Variants in PIK3R5 observed in about 807,000 individuals in gnomAD.
PIK3R5 encodes phosphoinositide-3-kinase regulatory subunit 5.
A neutral mutation model predicts 94.9 loss-of-function variants in PIK3R5; 32 were observed. The observed-to-expected ratio is 0.34, with a 90% CI of 0.25 to 0.45. The LOEUF (loss-of-function observed/expected upper bound fraction) is 0.45, where lower values mean the gene tolerates loss of function less well. PIK3R5 is among the 20% of genes least tolerant of loss of function. PIK3R5 has a pLI of 1.00. For missense variants in PIK3R5, 853 were observed against 1,144.6 expected, an observed-to-expected ratio of 0.75 and a Z score of 3.68; for synonymous variants, 443 against 479.4, an observed-to-expected ratio of 0.92 and a Z score of 0.99.
intron 1 of PIK3R5, among the ~76,000 whole-genome samples, chr17:8,928,130 T>C (rs1406638518): frequency 1.3e-5 from 2 of 152,280 alleles, no homozygotes; most frequent in Admixed American, 6.5e-5. Context: ...AATAGGTAGC[T>C]GGAACTCCCA....
At chr17:8,953,814 C>G (rs2091420824) in intron 1 of PIK3R5, among the ~76,000 whole-genome samples, 1 of 152,166 alleles carries the variant, frequency 6.6e-6, no homozygotes, top group Admixed American at 6.5e-5. Flanking sequence ...TGGACACAAG[C>G]TCGTGTTTCT....
intron 1 of PIK3R5, among the ~76,000 whole-genome samples, chr17:8,948,069 A>C (rs923098130): frequency 3.2e-4 from 47 of 148,250 alleles, no homozygotes; most frequent in Non-Finnish European, 5.2e-4. Flanking sequence ...AAAAAAAAGA[A>C]AAGAAAAGAA....
intron 1 of PIK3R5, among the ~76,000 whole-genome samples, chr17:8,928,509 A>G (rs1041179178): frequency 6.6e-6 from 1 of 152,246 alleles, no homozygotes; most frequent in Non-Finnish European, 1.5e-5. Context: ...AAGGATCAAG[A>G]GAGAAACAAC....
At position 8,892,541 on chromosome 17, in the gene PIK3R5, C is replaced by A. The variant is rs2090052208; in HGVS notation, c.482+1045G>T. ...GATTAAATGAGTCAGCACATGTAAC[C>A]ATGCTTAGGATGGTGCCTGGAGTCC... On this transcript the variant is annotated intron_variant, in intron 6 of 18. Transcript: ENST00000447110. The surrounding 1 kb of genome is among the most constrained non-coding windows in gnomAD (Gnocchi z 4.3). Among the ~76,000 whole-genome samples the A allele has an allele frequency of 6.6e-6, 1 of 152,102 alleles. No individual in the cohort carries two copies. Among genetic ancestry groups the A allele is most frequent in the African/African-American group, 2.4e-5 (1 of 41,398 alleles).
At chr17:8,923,122 C>T (rs900802085) in intron 1 of PIK3R5, among the ~76,000 whole-genome samples, 3 of 152,152 alleles carry the variant, frequency 2.0e-5, no homozygotes, top group African/African-American at 7.2e-5. Context: ...GCTTGAAGCA[C>T]ATGATCTCAT....
intron 14 of PIK3R5, among the ~76,000 whole-genome samples, 167 bp downstream of exon 14, chr17:8,886,062 A>AC (rs968919603): frequency 1.1e-4 from 8 of 71,574 alleles, no homozygotes; most frequent in African/African-American, 1.7e-4. Flanking sequence ...TCACCCAGCC[A>AC]CCCCATGGCC....
In PIK3R5 at chr17:8,946,709, C is replaced by T. The variant is rs568622767; in HGVS notation, c.-14+18887G>A. On this transcript the variant is annotated intron_variant, in intron 1 of 18. Transcript: ENST00000447110. ...TGTGCCCCGCCATGTTCTGAGGACT[C>T]GAATGACCACAGCAGCACAGCAGCC... Among the ~76,000 whole-genome samples the T allele has an allele frequency of 4.6e-5, 7 of 152,226 alleles. No individual in the cohort carries two copies. In the South Asian group the frequency reaches 6.2e-4, roughly 14 times the overall value.
chr17:8,901,970 G>A (rs1396209281), intron 5 of PIK3R5, among the ~76,000 whole-genome samples: 1 of 152,106 alleles, frequency 6.6e-6, no homozygotes, highest in Non-Finnish European at 1.5e-5. Flanking sequence ...GAATTGCTGG[G>A]TGAAAGGGTA....
chr17:8,890,112 TGC>T lies in PIK3R5; in HGVS notation c.670_671del (p.Ala224ArgfsTer3). On this transcript the variant is annotated frameshift_variant, in exon 8 of 19. Coordinates refer to ENST00000447110, the MANE Select transcript of PIK3R5 (RefSeq NM_001142633.3). LOFTEE classifies it high-confidence loss of function. The surrounding 1 kb of genome is among the most constrained non-coding windows in gnomAD (Gnocchi z 6.1). ...LHCRLQAKTL[A>X]ELEDIFTETA... is the part of the protein sequence containing the mutation. ...TCTCCGTGAAGATGTCCTCAAGCTC[TGC>T]CAGGGTCTTGGCCTGAAACCCCAGG... 1 of 1,613,996 alleles carries T rather than the reference TGC, an allele frequency of 6.2e-7. No individual in the cohort carries two copies. Among genetic ancestry groups the T allele is most frequent in the Non-Finnish European group, 8.5e-7 (1 of 1,179,974 alleles).
intron 4 of PIK3R5, 50 bp downstream of exon 4, chr17:8,905,619 C>T (rs1263549315): frequency 7.0e-7 from 1 of 1,419,820 alleles, no homozygotes. Flanking sequence ...ATAGAGGTCG[C>T]TCCTCCCCCT....
rs2090464396 is a variant in PIK3R5, at chr17:8,909,064, T to TC, written c.204+9dup. The TC allele has an allele frequency of 1.3e-6, 2 of 1,562,608 alleles. No homozygotes were observed. Among genetic ancestry groups the TC allele is most frequent in the South Asian group, 2.3e-5 (2 of 88,150 alleles). On this transcript the variant is annotated intron_variant, in intron 3 of 18. Transcript: ENST00000447110. This position sits in a 1 kb window ranked among gnomAD's most constrained non-coding sequence, Gnocchi z 4.3. ...CCAGATCTGCCCTTCAATTCCTGAC[T>TC]CCCCCTCACCTCTCGGGTCTTCTGC...
At chr17:8,962,940 G>A (rs993483920) in intron 1 of PIK3R5, among the ~76,000 whole-genome samples, 2 of 152,148 alleles carry the variant, frequency 1.3e-5, no homozygotes, top group African/African-American at 4.8e-5. Context: ...GACTTGTTAA[G>A]GATCACTCTA....
At position 8,909,024 on chromosome 17, in the gene PIK3R5, T is replaced by C; in HGVS notation, c.204+50A>G. On this transcript the variant is annotated intron_variant, in intron 3 of 18. Transcript: ENST00000447110. The surrounding 1 kb of genome is among the most constrained non-coding windows in gnomAD (Gnocchi z 4.3). Reference sequence around the variant, plus strand: ...TGTTCTCTGGGACCTATTTCTCCACTCTACGAGGCCGACCCCAGATCTGCC... The same window carrying C: ...TGTTCTCTGGGACCTATTTCTCCACCCTACGAGGCCGACCCCAGATCTGCC... The C allele has an allele frequency of 8.6e-7, 1 of 1,166,492 alleles. No homozygotes were observed. The highest frequency in any genetic ancestry group is 1.3e-6 in the Non-Finnish European group (1 of 792,700). The allele number at this position is 1,166,492 out of a possible 1,614,324, so 72.3% of individuals were successfully genotyped here. A position where few individuals can be genotyped will look rare whatever the true frequency, so the allele number is the denominator to read the frequency against.
chr17:8,889,051 G>A lies in PIK3R5; in HGVS notation c.895+88C>T, dbSNP rs976426503. ...CCTGCTCATGTGGGAGAGCTTTGGGGACGGGGTGGGAGCTGCATGGACCCA... is the reference window on the plus strand; with the variant it reads ...CCTGCTCATGTGGGAGAGCTTTGGGAACGGGGTGGGAGCTGCATGGACCCA... On this transcript the variant is annotated intron_variant, in intron 9 of 18. Coordinates refer to ENST00000447110, the MANE Select transcript of PIK3R5 (RefSeq NM_001142633.3). This position sits in a 1 kb window ranked among gnomAD's most constrained non-coding sequence, Gnocchi z 4.1. 2.0e-6 allele frequency: 3 copies of A among 1,516,340 alleles called. No homozygotes were observed. The Admixed American group carries it at 5.7e-5, about 29-fold the overall frequency. The allele number at this position is 1,516,340 out of a possible 1,614,324, so 93.9% of individuals were successfully genotyped here.
intron 1 of PIK3R5, among the ~76,000 whole-genome samples, chr17:8,921,838 T>G (rs1438867959): frequency 6.6e-6 from 1 of 151,954 alleles, no homozygotes; most frequent in African/African-American, 2.4e-5. Flanking sequence ...AGAAGAAAAA[T>G]TGGGGGAAGC....
At chr17:8,948,042 T>TAAAAAA (rs71135932) in intron 1 of PIK3R5, among the ~76,000 whole-genome samples, 5 of 62,776 alleles carry the variant, frequency 8.0e-5, no homozygotes, top group East Asian at 4.1e-4. Flanking sequence ...GACTCCGTCT[T>TAAAAAA]AAAAAAAAAA....
chr17:8,950,932 C>G (rs550071280), intron 1 of PIK3R5, among the ~76,000 whole-genome samples: 7 of 152,272 alleles, frequency 4.6e-5, no homozygotes, highest in Non-Finnish European at 1.0e-4. Context: ...TGTAAGTGTT[C>G]CCTTCTCTCC....
Position 8,880,741 on chromosome 17 carries a change from G to A in PIK3R5, c.2541C>T (p.Ser847=). The part of the protein sequence containing the change: ...PCYKPEKSDL[S]SPPQTPPDLP... The stretch of plus-strand genomic sequence containing the variant: ...GGTCAGGAGGCGTCTGGGGTGGTGA[G>A]GAGAGGTCGCTCTTCTCTGGCTTGT... Residue 847 remains serine, a synonymous_variant, in exon 19 of 19, where the codon TCC becomes TCT. Transcript: ENST00000447110. 1 of 1,613,918 alleles carries A rather than the reference G, an allele frequency of 6.2e-7. No homozygotes were observed. Among genetic ancestry groups the A allele is most frequent in the Non-Finnish European group, 8.5e-7 (1 of 1,179,876 alleles).
At chr17:8,900,617 T>C (rs183048542) in intron 5 of PIK3R5, among the ~76,000 whole-genome samples, 302 of 152,270 alleles carry the variant, frequency 2.0e-3, no homozygotes, top group African/African-American at 6.5e-3. Context: ...CAGCAGTGAG[T>C]GATGGTTCCA....
Sources: allele counts gnomAD v4.1 joint callset (sites outside exome capture counted in the v4.1 genomes callset), GRCh38; gene constraint gnomAD v4.1.1; non-coding constraint Gnocchi (gnomAD v3.1); transcripts MANE v1.5; gene names NCBI Gene and HGNC (gene_info 2026-07-23, HGNC 2026-07-21).